The following MGLL variants were observed in gnomAD, a reference collection of about 807,000 sequenced individuals.
MGLL encodes lysophospholipase homolog.
In MGLL, 7 loss-of-function variants were observed where a neutral mutation model predicts 29.1. That is an observed-to-expected ratio of 0.24 (90% CI 0.14 to 0.45). The LOEUF (loss-of-function observed/expected upper bound fraction) is 0.45, where lower values mean the gene tolerates loss of function less well. Ranked by LOEUF, MGLL falls within the 20% of genes least tolerant of loss-of-function variation. MGLL has a pLI of 0.99. For synonymous variants in MGLL, 148 were observed against 168.3 expected (o/e 0.88, Z 0.93); for missense variants, 356 against 413.6 (o/e 0.86, Z 1.21).
At chr3:127,797,142 A>G (rs2107731570) in intron 2 of MGLL, among the ~76,000 whole-genome samples, 1 of 152,152 alleles carries the variant, frequency 6.6e-6, no homozygotes, top group Non-Finnish European at 1.5e-5. Flanking sequence ...TGTGCCACAT[A>G]CATGACTGTC....
chr3:127,809,671 G>A (rs1209276253), intron 2 of MGLL, among the ~76,000 whole-genome samples: 1 of 151,732 alleles, frequency 6.6e-6, no homozygotes, highest in Non-Finnish European at 1.5e-5. Flanking sequence ...TGATATCCCT[G>A]AGGACAAAAA....
At chr3:127,755,617 A>T (rs1288338829) in intron 3 of MGLL, among the ~76,000 whole-genome samples, 2 of 152,212 alleles carry the variant, frequency 1.3e-5, no homozygotes, top group Non-Finnish European at 2.9e-5. Context: ...GAACGAGGAC[A>T]AGGGGCCCCA....
chr3:127,694,927 T>C (rs775821400), intron 7 of MGLL, 48 bp downstream of exon 7: 2 of 1,580,776 alleles, frequency 1.3e-6, no homozygotes, highest in Non-Finnish European at 1.7e-6. Context: ...GCTGCCTTCC[T>C]GTCCCCCCTC....
intron 2 of MGLL, among the ~76,000 whole-genome samples, chr3:127,782,459 G>A (rs1226755809): frequency 4.6e-5 from 7 of 152,096 alleles, no homozygotes; most frequent in Non-Finnish European, 7.4e-5. Flanking sequence ...TCATTTCTTC[G>A]CCTGTAACAT....
chr3:127,774,649 G>A (rs960669874), intron 3 of MGLL, among the ~76,000 whole-genome samples: 11 of 152,146 alleles, frequency 7.2e-5, no homozygotes, highest in African/African-American at 1.2e-4. Context: ...CAGGTACTTC[G>A]TGTCTAATAG....
intron 2 of MGLL, among the ~76,000 whole-genome samples, chr3:127,790,804 C>T (rs1156245198): frequency 1.3e-5 from 2 of 152,118 alleles, no homozygotes; most frequent in African/African-American, 4.8e-5. Context: ...TAGCTCAGTT[C>T]TCCTACTGAA....
chr3:127,715,941 A>G (rs886379264), intron 5 of MGLL: 3 of 407,962 alleles, frequency 7.4e-6, no homozygotes, highest in Non-Finnish European at 1.5e-5. Context: ...CTACAGGAGC[A>G]TTGAGAGAGC....
At chr3:127,810,851 A>AAGATAG (rs1559985431) in intron 2 of MGLL, among the ~76,000 whole-genome samples, 3 of 136,924 alleles carry the variant, frequency 2.2e-5, no homozygotes, top group African/African-American at 1.1e-4. Flanking sequence ...CAAAAAAGGA[A>AAGATAG]GCAAACCCTC....
At chr3:127,714,572 C>T (rs534172959) in intron 5 of MGLL, among the ~76,000 whole-genome samples, 17 of 152,200 alleles carry the variant, frequency 1.1e-4, no homozygotes, top group Non-Finnish European at 2.4e-4. Context: ...TGGAGGAACA[C>T]GCCCTCCAGG....
At chr3:127,813,428 C>T (rs1292960351) in intron 2 of MGLL, among the ~76,000 whole-genome samples, 2 of 152,212 alleles carry the variant, frequency 1.3e-5, no homozygotes, top group Admixed American at 6.5e-5. Context: ...TGTCAACAGA[C>T]CCAGCAAAAT....
intron 2 of MGLL, among the ~76,000 whole-genome samples, chr3:127,793,092 G>C (rs2077328185): frequency 2.0e-5 from 3 of 152,248 alleles, no homozygotes; most frequent in Admixed American, 2.0e-4. Flanking sequence ...CTGTGAGCCA[G>C]ATGGAACCCT....
intron 3 of MGLL, among the ~76,000 whole-genome samples, chr3:127,759,442 CAGT>C (rs201833581): frequency 0.023 from 3,544 of 152,264 alleles, 135 homozygotes; most frequent in African/African-American, 0.078. Flanking sequence ...GCCTGGTACA[CAGT>C]AGATGCTCAC....
At chr3:127,710,852 T>A in intron 5 of MGLL, 187 bp from the exon 6 acceptor site, 1 of 624,434 alleles carries the variant, frequency 1.6e-6, no homozygotes. Context: ...CAGCCTCTAT[T>A]CAGCCTGGCT....
chr3:127,721,277 G>A (rs1444989206), intron 4 of MGLL, 114 bp from the exon 5 acceptor site: 1 of 841,818 alleles, frequency 1.2e-6, no homozygotes, highest in Non-Finnish European at 2.0e-6. Flanking sequence ...AGAGCCCTGA[G>A]GAGGACTACC....
chr3:127,803,122 G>T (rs1015634601), intron 2 of MGLL, among the ~76,000 whole-genome samples: 11 of 152,066 alleles, frequency 7.2e-5, no homozygotes, highest in African/African-American at 2.7e-4. Context: ...TGGGATTACA[G>T]GTGCGTCCCC....
At chr3:127,727,101 G>T (rs1225158655) in intron 3 of MGLL, among the ~76,000 whole-genome samples, 1 of 152,104 alleles carries the variant, frequency 6.6e-6, no homozygotes, top group Non-Finnish European at 1.5e-5. Flanking sequence ...TTCCCGTCAT[G>T]GTCTGTCATT....
At chr3:127,765,042 C>A (rs1024371031) in intron 3 of MGLL, among the ~76,000 whole-genome samples, 1 of 152,192 alleles carries the variant, frequency 6.6e-6, no homozygotes, top group African/African-American at 2.4e-5. Context: ...CAAGGACCAC[C>A]TATTTGTTCT....
At chr3:127,752,766 CT>C in intron 3 of MGLL, among the ~76,000 whole-genome samples, 1 of 152,288 alleles carries the variant, frequency 6.6e-6, no homozygotes, top group Non-Finnish European at 1.5e-5. Flanking sequence ...ACCGGCTGAG[CT>C]TCCCCAGCCC....
At chr3:127,737,223 T>C (rs2076257007) in intron 3 of MGLL, among the ~76,000 whole-genome samples, 2 of 151,248 alleles carry the variant, frequency 1.3e-5, no homozygotes, top group Admixed American at 6.6e-5. Flanking sequence ...GCTTCCTGTG[T>C]GCCCTGCTCT....
Sources: gnomAD v4.1 joint callset for allele counts (sites outside exome capture counted in the v4.1 genomes callset) on GRCh38, gnomAD v4.1.1 for gene constraint, MANE v1.5 for transcripts, NCBI Gene and HGNC (gene_info 2026-07-23, HGNC 2026-07-21) for gene names.